RTL4: variants seen among roughly 807,000 people sequenced by gnomAD.
RTL4 encodes retrotransposon Gag-like protein 4.
Under a neutral mutation model 5.3 loss-of-function variants are expected in RTL4, and 4 were observed. That is an observed-to-expected ratio of 0.75 (90% CI 0.37 to 1.72). The LOEUF is 1.72. RTL4 is among the 40% of genes most tolerant of loss of function. RTL4 has a pLI of 0.04. For missense variants in RTL4, 260 were observed against 227.1 expected, an observed-to-expected ratio of 1.14 and a Z score of -0.93; for synonymous variants, 98 against 87.3, an observed-to-expected ratio of 1.12 and a Z score of -0.68.
chrX:112,333,083 G>GGTGTGTGT, the RTL4 span, among the ~76,000 whole-genome samples: 1 of 104,499 alleles, frequency 9.6e-6, no homozygotes, highest in Non-Finnish European at 2.0e-5. Flanking sequence ...CTCCTTCAAT[G>GGTGTGTGT]GTGTGTGTGT....
At chrX:112,235,405 C>G in the RTL4 span, among the ~76,000 whole-genome samples, 1 of 111,296 alleles carries the variant, frequency 9.0e-6, no homozygotes, top group Admixed American at 9.6e-5. Flanking sequence ...TCCCAGAATG[C>G]CTTTGTGCTT....
At chrX:112,124,140 A>G in the RTL4 span, among the ~76,000 whole-genome samples, 1 of 112,261 alleles carries the variant, frequency 8.9e-6, no homozygotes, top group African/African-American at 3.2e-5. Context: ...CCAGTCAGAA[A>G]GAATGGTGAT....
At chrX:112,419,021 T>C in the RTL4 span, among the ~76,000 whole-genome samples, 1 of 72,729 alleles carries the variant, frequency 1.4e-5, no homozygotes, top group African/African-American at 4.9e-5. Flanking sequence ...GCAAAAAAAA[T>C]TTCACATAAG....
chrX:112,147,852 C>T, the RTL4 span, among the ~76,000 whole-genome samples: 1 of 111,394 alleles, frequency 9.0e-6, no homozygotes, highest in Non-Finnish European at 1.9e-5. Context: ...GAGGCAGGCT[C>T]TTCATCATCT....
the RTL4 span, among the ~76,000 whole-genome samples, chrX:112,140,453 G>A: frequency 1.9e-4 from 21 of 111,837 alleles, no homozygotes; most frequent in Non-Finnish European, 7.5e-5. Flanking sequence ...ACCTTAGAGT[G>A]GGTAATTAAA....
At chrX:112,319,480 A>G in the RTL4 span, among the ~76,000 whole-genome samples, 1 of 112,214 alleles carries the variant, frequency 8.9e-6, no homozygotes, top group South Asian at 3.7e-4. Flanking sequence ...TCATTTTTAT[A>G]TCTTTATTTT....
chrX:112,141,889 T>C, the RTL4 span, among the ~76,000 whole-genome samples: 2 of 112,393 alleles, frequency 1.8e-5, no homozygotes, highest in Admixed American at 9.5e-5. Flanking sequence ...CTTTAAAGTT[T>C]AATAACTAAG....
At chrX:112,106,808 T>A in the RTL4 span, among the ~76,000 whole-genome samples, 1 of 112,428 alleles carries the variant, frequency 8.9e-6, no homozygotes, top group African/African-American at 3.2e-5. Flanking sequence ...CATTTGTATG[T>A]CTTCTTTTGA....
exon 1 of RTL4, chrX:112,456,129 G>A (rs1926840422): frequency 3.4e-6 from 1 of 296,399 alleles, no homozygotes; most frequent in Admixed American, 6.2e-5. Context: ...TTTGGCTGAA[G>A]TCCAAATGAC....
the RTL4 span, among the ~76,000 whole-genome samples, chrX:112,266,409 C>T: frequency 1.4e-4 from 16 of 110,604 alleles, no homozygotes; most frequent in African/African-American, 5.3e-4. Flanking sequence ...AGACACATTT[C>T]TACCACAGCA....
chrX:112,243,560 T>G, the RTL4 span, among the ~76,000 whole-genome samples: 1 of 111,828 alleles, frequency 8.9e-6, no homozygotes, highest in East Asian at 2.8e-4. Flanking sequence ...TATCATTTTT[T>G]ATTGCATCTA....
At chrX:112,384,723 T>C in the RTL4 span, among the ~76,000 whole-genome samples, 2 of 111,926 alleles carry the variant, frequency 1.8e-5, no homozygotes, top group Non-Finnish European at 3.8e-5. Context: ...AAATTTAAAG[T>C]AGTTTTTTCT....
the RTL4 span, among the ~76,000 whole-genome samples, chrX:112,430,938 T>A: frequency 8.9e-6 from 1 of 111,958 alleles, no homozygotes; most frequent in Non-Finnish European, 1.9e-5. Context: ...AGATATGATG[T>A]ATTGGGCAAA....
At chrX:112,178,179 G>A in the RTL4 span, among the ~76,000 whole-genome samples, 10 of 111,304 alleles carry the variant, frequency 9.0e-5, no homozygotes, top group Non-Finnish European at 1.7e-4. Context: ...GCATACCCCT[G>A]CTGTTTAGCC....
the RTL4 span, among the ~76,000 whole-genome samples, chrX:112,431,558 T>C: frequency 3.6e-5 from 4 of 111,019 alleles, no homozygotes; most frequent in Admixed American, 9.6e-5. Flanking sequence ...TGCTCCTGGG[T>C]TTCTGCTTTT....
chrX:112,277,572 T>C, the RTL4 span, among the ~76,000 whole-genome samples: 3 of 111,742 alleles, frequency 2.7e-5, no homozygotes, highest in South Asian at 7.5e-4. Flanking sequence ...TGGTTCGCCA[T>C]GCAGAATCAT....
chrX:112,388,654 C>T, the RTL4 span, among the ~76,000 whole-genome samples: 1 of 111,905 alleles, frequency 8.9e-6, no homozygotes, highest in Non-Finnish European at 1.9e-5. Flanking sequence ...GTCTTTTCTG[C>T]GTCTATTGAG....
At chrX:112,384,960 T>C in the RTL4 span, among the ~76,000 whole-genome samples, 1,073 of 111,593 alleles carry the variant, frequency 9.6e-3, 15 homozygotes, top group African/African-American at 0.033. Context: ...TATTTTATTC[T>C]CTTTATAGCA....
chrX:112,126,837 A>T, the RTL4 span, among the ~76,000 whole-genome samples: 2 of 112,102 alleles, frequency 1.8e-5, no homozygotes, highest in Non-Finnish European at 3.8e-5. Context: ...AGAAACACAC[A>T]AACTACCAAT....
Sources: allele counts gnomAD v4.1 joint callset (sites outside exome capture counted in the v4.1 genomes callset), GRCh38; gene constraint gnomAD v4.1.1; transcripts MANE v1.5; gene names NCBI Gene and HGNC (gene_info 2026-07-23, HGNC 2026-07-21).